CLCN7: variants seen among roughly 807,000 people sequenced by gnomAD.
CLCN7 encodes Cl-/H+ antiporter 7, also known as H(+)/Cl(-) exchange transporter 7.
A neutral mutation model predicts 102.1 loss-of-function variants in CLCN7; 60 were observed. That is an observed-to-expected ratio of 0.59 (90% CI 0.48 to 0.73). The LOEUF (loss-of-function observed/expected upper bound fraction) is 0.73, where lower values mean the gene tolerates loss of function less well. Ranked by LOEUF, CLCN7 falls within the 30% of genes least tolerant of loss-of-function variation. CLCN7 has a pLI of 0.00. For synonymous variants in CLCN7, 560 were observed against 490.5 expected, an observed-to-expected ratio of 1.14 and a Z score of -1.87; for missense variants, 962 against 1,125.7, an observed-to-expected ratio of 0.85 and a Z score of 2.08.
chr16:1,447,614 G>C (rs747828901), intron 22 of CLCN7, 41 bp downstream of exon 22: 1 of 1,551,534 alleles, frequency 6.4e-7, no homozygotes, highest in Admixed American at 2.0e-5. Flanking sequence ...CAGCACCCCC[G>C]GGGCCCCCAC....
intron 1 of CLCN7, chr16:1,474,008 C>A (rs1373382994): frequency 4.4e-5 from 17 of 387,850 alleles, no homozygotes; most frequent in South Asian, 2.6e-4. Flanking sequence ...CACTTAAACT[C>A]GGGAGGTGGG....
chr16:1,468,489 T>C (rs2039034719), intron 1 of CLCN7, among the ~76,000 whole-genome samples: 1 of 152,182 alleles, frequency 6.6e-6, no homozygotes, highest in African/African-American at 2.4e-5. Flanking sequence ...ATGCATTCCG[T>C]GCGGTTACTT....
intron 21 of CLCN7, 83 bp downstream of exon 21, chr16:1,448,272 C>T: frequency 1.3e-6 from 2 of 1,577,522 alleles, no homozygotes; most frequent in Non-Finnish European, 1.7e-6. Context: ...CTTCCCCATC[C>T]TGCAAACCTT....
At chr16:1,463,670 G>T (rs1284965603) in intron 2 of CLCN7, among the ~76,000 whole-genome samples, 3 of 151,816 alleles carry the variant, frequency 2.0e-5, no homozygotes, top group Non-Finnish European at 4.4e-5. Flanking sequence ...TTTTTGTAGA[G>T]ACAGGGTCTC....
rs1054712023 is a variant in CLCN7 at position 1,445,390 on chromosome 16, C to T, written c.*1241G>A. On this transcript the variant is annotated 3_prime_UTR_variant, in exon 25 of 25. Transcript: ENST00000382745. ...GTTCAGACCCAACACACTCGGACAC[C>T]TTGGGGCCCTGTGAGGGCTAAGCAG... 2 of 152,300 alleles carry T rather than the reference C, an allele frequency of 1.3e-5. No individual in the cohort carries two copies. Among genetic ancestry groups the T allele is most frequent in the Non-Finnish European group, 2.9e-5 (2 of 68,080 alleles). 9.4% of individuals were successfully genotyped at this position (152,300 alleles called of 1,614,324 possible). A position where few individuals can be genotyped will look rare whatever the true frequency, so the allele number is the denominator to read the frequency against.
chr16:1,446,905 C>A, intron 24 of CLCN7, 101 bp downstream of exon 24: 1 of 1,234,738 alleles, frequency 8.1e-7, no homozygotes, highest in South Asian at 1.3e-5. Context: ...GTGCTGGGTC[C>A]TGTGCTTCCG....
chr16:1,453,990 C>G, intron 13 of CLCN7, 96 bp from the exon 14 acceptor site: 1 of 1,265,236 alleles, frequency 7.9e-7, no homozygotes, highest in Non-Finnish European at 1.2e-6. Flanking sequence ...GGAGGGTTTG[C>G]AGAGGGAAGG....
At chr16:1,462,038 T>C (rs1273269010) in intron 2 of CLCN7, among the ~76,000 whole-genome samples, 2 of 151,130 alleles carry the variant, frequency 1.3e-5, no homozygotes, top group Admixed American at 1.3e-4. Context: ...TGAGCCGAGA[T>C]TGCGCCGTTG....
At chr16:1,470,286 C>T (rs1348717427) in intron 1 of CLCN7, among the ~76,000 whole-genome samples, 6 of 152,210 alleles carry the variant, frequency 3.9e-5, no homozygotes, top group Non-Finnish European at 8.8e-5. Context: ...CGTGCACCAC[C>T]ATGCCTGGCT....
rs201003681 is a variant in CLCN7, at chr16:1,461,406, G to A, written c.350C>T (p.Thr117Met). The A allele has an allele frequency of 7.0e-4, 1,090 of 1,549,418 alleles. 18 individuals are homozygous for A. In the South Asian group the frequency reaches 0.011, roughly 15 times the overall value. Reference protein sequence around the residue: ...FLEEERRINHTAFRTVEIKRW... With the variant: ...FLEEERRINHMAFRTVEIKRW... The stretch of plus-strand genomic sequence containing the variant: ...TGCAGGGAGCGGCGTCCAGCTCACC[G>A]TGTGATTGATCCGCCGCTCCTCCTC... The change falls in exon 4 of 25, where the codon ACG becomes ATG. Residue 117 changes from threonine (T) to methionine (M), a missense_variant and splice_region_variant. Physicochemically the swap from Thr to Met is moderately conservative, Grantham distance 81. Transcript: ENST00000382745.
intron 2 of CLCN7, among the ~76,000 whole-genome samples, chr16:1,463,134 AAGAG>A (rs886612669): frequency 1.3e-5 from 2 of 151,808 alleles, no homozygotes; most frequent in Non-Finnish European, 2.9e-5. Flanking sequence ...GTCTCAAAAA[AAGAG>A]AGAGAGAGAG....
Position 1,461,032 on chromosome 16 carries a change from A to T in CLCN7, c.352-84T>A, listed in dbSNP as rs138161010. 762 of 1,535,452 alleles carry T rather than the reference A, an allele frequency of 5.0e-4. 7 individuals carry two copies. The East Asian group carries it at 0.015, about 31-fold the overall frequency. On this transcript the variant is annotated intron_variant, in intron 4 of 24. Transcript: ENST00000382745. ...CAGCAGGACCGCCCAGACCGCCTGC[A>T]GGCCCCGGGATTATGAAGGGCCCAG...
chr16:1,460,905 A>G lies in CLCN7; in HGVS notation c.395T>C (p.Leu132Pro). Reference protein sequence around the residue: ...VEIKRWVICALIGILTGLVAC... With the variant: ...VEIKRWVICAPIGILTGLVAC... Reference sequence around the variant, plus strand: ...CACGAGGCCCGTGAGGATCCCAATGAGGGCGCAGATGACCCAGCGCTTGAT... The same window carrying G: ...CACGAGGCCCGTGAGGATCCCAATGGGGGCGCAGATGACCCAGCGCTTGAT... The change falls in exon 5 of 25, where the codon CTC (leucine) becomes CCC (proline). Residue 132 changes from leucine to proline, a missense_variant. By Grantham distance (98) the Leu-to-Pro change is moderately conservative. Transcript: ENST00000382745. 1 of 1,613,936 alleles carries G rather than the reference A, an allele frequency of 6.2e-7. No individual in the cohort carries two copies.
Position 1,460,473 on chromosome 16 carries a change from G to A in CLCN7, c.539C>T (p.Ala180Val), listed in dbSNP as rs1323003766. The A allele has an allele frequency of 2.5e-6, 4 of 1,613,694 alleles. No homozygotes were observed. The highest frequency in any genetic ancestry group is 3.4e-6 in the Non-Finnish European group (4 of 1,179,966). Residue 180 changes from alanine to valine, a missense_variant, in exon 6 of 25, where the codon GCC (alanine) becomes GTC (valine). Physicochemically the swap from Ala to Val is moderately conservative, Grantham distance 64. Transcript: ENST00000382745. ...GGLSFSLLLW[A>V]TLNAAFVLVG... is the part of the protein sequence containing the mutation. ...GAGCACGAAGGCGGCGTTCAGCGTG[G>A]CCCACAGCAACAGGGAGAAGGACAG...
intron 6 of CLCN7, chr16:1,459,389 C>T (rs1173817081): frequency 2.0e-6 from 1 of 511,308 alleles, no homozygotes; most frequent in South Asian, 2.1e-5. Flanking sequence ...GGGAGAGCAG[C>T]GCACACGTCG....
chr16:1,446,629 C>CCT lies in CLCN7; in HGVS notation c.2418_*1dup, dbSNP rs1212234948. ...AGTGCCCATTATGGGCAGGGCTGGGCCTCACGTCTGGGCCAGCGAGAGCTC... is the reference window on the plus strand; with the variant it reads ...AGTGCCCATTATGGGCAGGGCTGGGCCTCTCACGTCTGGGCCAGCGAGAGCTC... On this transcript the variant is annotated 3_prime_UTR_variant, in exon 25 of 25. Coordinates refer to ENST00000382745, the MANE Select transcript of CLCN7 (RefSeq NM_001287.6). 1.4e-5 allele frequency: 22 copies of CCT among 1,561,582 alleles called. No individual in the cohort carries two copies. The highest frequency in any genetic ancestry group is 1.8e-5 in the Non-Finnish European group (21 of 1,152,884).
intron 13 of CLCN7, 27 bp from the exon 14 acceptor site, chr16:1,453,921 C>A (rs371041793): frequency 6.2e-7 from 1 of 1,611,960 alleles, no homozygotes; most frequent in Non-Finnish European, 8.5e-7. Context: ...GGCCAGTCAG[C>A]GACACCGGAG....
intron 2 of CLCN7, among the ~76,000 whole-genome samples, chr16:1,464,051 G>A (rs142446273): frequency 1.3e-5 from 2 of 152,100 alleles, no homozygotes; most frequent in South Asian, 2.1e-4. Context: ...TTACAGGCAC[G>A]AATCACCTCC....
At chr16:1,454,611 G>A (rs2038805105) in intron 12 of CLCN7, 146 bp from the exon 13 acceptor site, 3 of 812,528 alleles carry the variant, frequency 3.7e-6, no homozygotes, top group African/African-American at 3.4e-5. Context: ...AAGTCCACAG[G>A]GGAGAAACAC....
Sources: allele counts gnomAD v4.1 joint callset (sites outside exome capture counted in the v4.1 genomes callset), GRCh38; gene constraint gnomAD v4.1.1; transcripts MANE v1.5; gene names NCBI Gene and HGNC (gene_info 2026-07-23, HGNC 2026-07-21).